SCP2: variants seen among roughly 807,000 people sequenced by gnomAD.
SCP2 encodes the protein SCP-2/3-oxoacyl-CoA thiolase.
A neutral mutation model predicts 71.4 loss-of-function variants in SCP2; 48 were observed. That is an observed-to-expected ratio of 0.67 (90% CI 0.53 to 0.86). SCP2 has a LOEUF of 0.86. Ranked by LOEUF, SCP2 falls within the 40% of genes least tolerant of loss-of-function variation. SCP2 has a pLI of 0.00. For synonymous variants in SCP2, 220 were observed against 218.1 expected, an observed-to-expected ratio of 1.01 and a Z score of -0.08; for missense variants, 560 against 655.6, an observed-to-expected ratio of 0.85 and a Z score of 1.59.
intron 7 of SCP2, 79 bp downstream of exon 7, chr1:52,974,911 A>G: frequency 1.3e-6 from 1 of 778,806 alleles, no homozygotes; most frequent in East Asian, 2.4e-5. Flanking sequence ...CTTGAAAAGC[A>G]AATGCCAAGA....
Position 52,979,785 on chromosome 1 carries a change from A to G in SCP2, c.826-611A>G, listed in dbSNP as rs61487418. Among the ~76,000 whole-genome samples, 1,156 of 152,188 alleles carry G rather than the reference A, an allele frequency of 7.6e-3. 10 individuals are homozygous for G. The highest frequency in any genetic ancestry group is 0.025 in the African/African-American group (1,043 of 41,538). The stretch of plus-strand genomic sequence containing the variant: ...TCCTTTTTATATATTTTATTTAAAA[A>G]TTCTGTCATTTTTTAGTACAAAATT... On this transcript the variant is annotated intron_variant, in intron 9 of 15. Transcript: ENST00000371514.
chr1:52,982,526 T>C (rs1169170307), intron 10 of SCP2, among the ~76,000 whole-genome samples: 3 of 151,992 alleles, frequency 2.0e-5, no homozygotes, highest in African/African-American at 4.8e-5. Flanking sequence ...GCTGATATCA[T>C]ACCACTGCAC....
At chr1:52,927,769 C>G (rs1652605382) in intron 1 of SCP2, among the ~76,000 whole-genome samples, 2 of 152,130 alleles carry the variant, frequency 1.3e-5, no homozygotes, top group African/African-American at 2.4e-5. Flanking sequence ...TGGCTTGCCC[C>G]GGAGGGAGGC....
intron 6 of SCP2, among the ~76,000 whole-genome samples, chr1:52,964,639 C>T (rs1199516808): frequency 6.6e-6 from 1 of 152,084 alleles, no homozygotes; most frequent in Non-Finnish European, 1.5e-5. Context: ...TAATACTTTT[C>T]CTCTAGATTT....
At chr1:53,029,283 A>G (rs115959169) in intron 13 of SCP2, among the ~76,000 whole-genome samples, 6,519 of 139,348 alleles carry the variant, frequency 0.047, 187 homozygotes, top group Middle Eastern at 0.073. Context: ...TTTTTTTTTG[A>G]AACAGAGTCT....
chr1:53,037,875 TACATACACACACACACACAC>T lies in SCP2; in HGVS notation c.1339-1038_1339-1019del, dbSNP rs1306745264. ...GGGCAACATAGGGAGATCCTGTCTC[TACATACACACACACACACAC>T]ACACACACACACACACACACACACA... On this transcript the variant is annotated intron_variant, in intron 13 of 15. Transcript: ENST00000371514. Among the ~76,000 whole-genome samples, 804 of 96,478 alleles carry T rather than the reference TACATACACACACACACACAC, an allele frequency of 8.3e-3. 15 individuals are homozygous for T. Among genetic ancestry groups the T allele is most frequent in the African/African-American group, 0.037 (773 of 21,126 alleles). 63.3% of individuals were successfully genotyped at this position (96,478 alleles called of 152,430 possible).
chr1:52,976,565 T>G, intron 7 of SCP2, 118 bp from the exon 8 acceptor site: 1 of 698,962 alleles, frequency 1.4e-6, no homozygotes, highest in Admixed American at 2.2e-5. Context: ...TGGCTATTCA[T>G]AAAAATCTGT....
intron 1 of SCP2, among the ~76,000 whole-genome samples, chr1:52,930,587 C>A (rs1422288807): frequency 6.6e-6 from 1 of 152,006 alleles, no homozygotes; most frequent in Non-Finnish European, 1.5e-5. Context: ...GTTTGAGCCA[C>A]CACACTCCAG....
intron 12 of SCP2, among the ~76,000 whole-genome samples, chr1:53,021,317 C>CTTTTTTT (rs35858975): frequency 7.9e-6 from 1 of 127,376 alleles, no homozygotes. Flanking sequence ...CCGTCAACCA[C>CTTTTTTT]TTTTTTTTTT....
chr1:53,035,956 C>G (rs962481490), intron 13 of SCP2, among the ~76,000 whole-genome samples: 1 of 145,718 alleles, frequency 6.9e-6, no homozygotes. Context: ...GGAGGCGGAG[C>G]TTGCAGTGAG....
intron 14 of SCP2, among the ~76,000 whole-genome samples, chr1:53,039,995 C>T (rs1279946361): frequency 2.0e-5 from 3 of 152,224 alleles, no homozygotes; most frequent in African/African-American, 7.2e-5. Context: ...CTGTGTCCTA[C>T]TGGTTCCTTG....
chr1:52,962,046 T>G (rs1656512755), intron 6 of SCP2, among the ~76,000 whole-genome samples: 1 of 152,120 alleles, frequency 6.6e-6, no homozygotes, highest in African/African-American at 2.4e-5. Flanking sequence ...GGACTACAGA[T>G]GTGCACCACC....
chr1:53,006,893 G>A (rs529411767), intron 11 of SCP2, among the ~76,000 whole-genome samples: 128 of 152,184 alleles, frequency 8.4e-4, no homozygotes, highest in African/African-American at 2.8e-3. Context: ...CCCATCTCAC[G>A]TGCAGAGACA....
At chr1:52,991,370 C>T (rs1659482375) in intron 11 of SCP2, among the ~76,000 whole-genome samples, 1 of 152,016 alleles carries the variant, frequency 6.6e-6, no homozygotes, top group South Asian at 2.1e-4. Flanking sequence ...GTTTGTTTGC[C>T]AGTAATAAAC....
At chr1:52,927,928 C>T (rs1652651505) in intron 1 of SCP2, among the ~76,000 whole-genome samples, 1 of 152,212 alleles carries the variant, frequency 6.6e-6, no homozygotes, top group Admixed American at 6.5e-5. Context: ...CCCTCTGTCC[C>T]TCCAGTGACT....
chr1:53,025,818 A>C (rs1409745968), intron 12 of SCP2, among the ~76,000 whole-genome samples: 1 of 152,182 alleles, frequency 6.6e-6, no homozygotes, highest in Non-Finnish European at 1.5e-5. Context: ...TCACAAATCA[A>C]ACAATTTCAC....
At chr1:52,959,190 TA>T (rs199992755) in intron 5 of SCP2, among the ~76,000 whole-genome samples, 15 of 150,218 alleles carry the variant, frequency 1.0e-4, no homozygotes, top group Non-Finnish European at 1.5e-4. Context: ...TTCTTTTCTT[TA>T]AAAAAAATTT....
At chr1:52,986,399 G>A (rs1413650289) in intron 10 of SCP2, among the ~76,000 whole-genome samples, 3 of 152,232 alleles carry the variant, frequency 2.0e-5, no homozygotes, top group Middle Eastern at 3.4e-3. Flanking sequence ...TATGACTAGA[G>A]CCTCAGAGCA....
intron 14 of SCP2, among the ~76,000 whole-genome samples, chr1:53,040,959 T>C (rs1663379737): frequency 6.6e-6 from 1 of 152,160 alleles, no homozygotes; most frequent in Admixed American, 6.6e-5. Flanking sequence ...CAAAAATGAA[T>C]AATTTAAAAA....
Sources: gnomAD v4.1 joint callset for allele counts (sites outside exome capture counted in the v4.1 genomes callset) on GRCh38, gnomAD v4.1.1 for gene constraint, MANE v1.5 for transcripts, NCBI Gene and HGNC (gene_info 2026-07-23, HGNC 2026-07-21) for gene names.